Variants in LSM4 observed in about 807,000 individuals in gnomAD.
LSM4 encodes U6 snRNA-associated Sm-like protein LSm4.
Under a neutral mutation model 22.3 loss-of-function variants are expected in LSM4, and 15 were observed. That is an observed-to-expected ratio of 0.67 (90% CI 0.45 to 1.03). The LOEUF (loss-of-function observed/expected upper bound fraction) is 1.03, where lower values mean the gene tolerates loss of function less well. Among genes scored for constraint, LSM4 ranks in the 50% least tolerant of loss-of-function variants. The probability of loss-of-function intolerance (pLI) is 0.00; values close to 1 mark genes in which losing one functional copy is unlikely to be tolerated. For missense variants in LSM4, 127 were observed against 198.0 expected, an observed-to-expected ratio of 0.64 and a Z score of 2.15; for synonymous variants, 90 against 79.8, an observed-to-expected ratio of 1.13 and a Z score of -0.68.
chr19:18,312,724 G>C lies in LSM4; in HGVS notation c.46-22C>G, dbSNP rs373888433. 19 of 1,590,734 alleles carry C rather than the reference G, an allele frequency of 1.2e-5. No individual in the cohort carries two copies. In the African/African-American group the frequency reaches 2.4e-4, roughly 20 times the overall value. On this transcript the variant is annotated intron_variant, in intron 2 of 4. Coordinates refer to ENST00000593829, the MANE Select transcript of LSM4 (RefSeq NM_012321.5). The stretch of plus-strand genomic sequence containing the variant: ...CCAACTAGAAGAGAGACAGGCTAGA[G>C]GTTGGCTGTAGCCCTGGAGCCCTGC...
intron 2 of LSM4, 73 bp downstream of exon 2, chr19:18,315,951 C>A (rs1247425260): frequency 6.9e-7 from 1 of 1,454,498 alleles, no homozygotes; most frequent in African/African-American, 1.4e-5. Context: ...AGGAAGCCGT[C>A]TGCTCAGCCA....
chr19:18,313,475 C>A (rs957234163), intron 2 of LSM4, among the ~76,000 whole-genome samples: 1 of 152,162 alleles, frequency 6.6e-6, no homozygotes, highest in African/African-American at 2.4e-5. Flanking sequence ...AGATAAGTAG[C>A]AGATCATTCT....
At chr19:18,321,390 A>G (rs1461900741) in intron 1 of LSM4, among the ~76,000 whole-genome samples, 1 of 152,194 alleles carries the variant, frequency 6.6e-6, no homozygotes, top group Non-Finnish European at 1.5e-5. Flanking sequence ...GTAGCGGGAA[A>G]TTATGACAGT....
At chr19:18,308,641 A>G (rs999751621) in intron 4 of LSM4, among the ~76,000 whole-genome samples, 1 of 152,180 alleles carries the variant, frequency 6.6e-6, no homozygotes, top group African/African-American at 2.4e-5. Flanking sequence ...ACTGACCCCA[A>G]CAGGAACTGG....
chr19:18,317,270 C>T (rs1387773505), intron 1 of LSM4, among the ~76,000 whole-genome samples: 3 of 151,524 alleles, frequency 2.0e-5, no homozygotes, highest in Non-Finnish European at 4.4e-5. Flanking sequence ...GATCTGCTTG[C>T]CTGGTCCTCC....
chr19:18,322,274 C>T (rs1273276420), intron 1 of LSM4, among the ~76,000 whole-genome samples: 2 of 152,158 alleles, frequency 1.3e-5, no homozygotes, highest in African/African-American at 2.4e-5. Flanking sequence ...AGCTGATGGG[C>T]CAGGAAACTC....
Position 18,323,041 on chromosome 19 carries a change from T to C in LSM4, c.-21A>G. Reference sequence around the variant, plus strand: ...ACCATGGTGCCGGCGGGGACCGGGCTCGCCGGCCACTTCCGCCGCCGCCGC... The same window carrying C: ...ACCATGGTGCCGGCGGGGACCGGGCCCGCCGGCCACTTCCGCCGCCGCCGC... On this transcript the variant is annotated 5_prime_UTR_variant, in exon 1 of 5. Transcript: ENST00000593829. 1 of 1,539,594 alleles carries C rather than the reference T, an allele frequency of 6.5e-7. No homozygotes were observed. Among genetic ancestry groups the C allele is most frequent in the Admixed American group, 2.0e-5 (1 of 50,854 alleles).
At position 18,312,984 on chromosome 19, in the gene LSM4, G is replaced by A. The variant is rs1006338814; in HGVS notation, c.46-282C>T. ...GCCTGTAATCCCAGCACTTTGGGAG[G>A]CCGAGGCAGGCAGATCACGAGGTCA... On this transcript the variant is annotated intron_variant, in intron 2 of 4. Transcript: ENST00000593829. Among the ~76,000 whole-genome samples, 3 of 152,232 alleles carry A rather than the reference G, an allele frequency of 2.0e-5. No homozygotes were observed. In the East Asian group the frequency reaches 5.8e-4, roughly 29 times the overall value.
intron 1 of LSM4, among the ~76,000 whole-genome samples, chr19:18,322,544 C>G (rs1568301015): frequency 6.6e-6 from 1 of 152,218 alleles, no homozygotes; most frequent in Non-Finnish European, 1.5e-5. Context: ...ACCAAGAGGC[C>G]TAGGAGGCTG....
chr19:18,319,257 A>G (rs1206380088), intron 1 of LSM4, among the ~76,000 whole-genome samples: 1 of 148,426 alleles, frequency 6.7e-6, no homozygotes, highest in African/African-American at 2.5e-5. Flanking sequence ...AACAAAAAAC[A>G]AAAAAACAAA....
rs760697591 is a variant in LSM4 at position 18,309,797 on chromosome 19, C to G, written c.209G>C (p.Arg70Pro). The stretch of plus-strand genomic sequence containing the variant: ...CATGTCGATGATCTCGTCGGGGATG[C>G]GCAGGTACTTGATGGTGCTGCCGCG... ...YIRGSTIKYLRIPDEIIDMVK... is the reference protein window; with the variant it reads ...YIRGSTIKYLPIPDEIIDMVK... The change falls in exon 4 of 5, where the codon CGC (arginine) becomes CCC (proline). Residue 70 changes from arginine (R) to proline (P), a missense_variant. Coordinates refer to ENST00000593829, the MANE Select transcript of LSM4 (RefSeq NM_012321.5). 1.2e-5 allele frequency: 19 copies of G among 1,613,818 alleles called. No individual in the cohort carries two copies. The highest frequency in any genetic ancestry group is 1.6e-5 in the Non-Finnish European group (19 of 1,179,938).
chr19:18,321,882 C>A (rs1407004639), intron 1 of LSM4, among the ~76,000 whole-genome samples: 1 of 152,092 alleles, frequency 6.6e-6, no homozygotes, highest in East Asian at 1.9e-4. Context: ...AAGCTCCAAC[C>A]AATCAGCACT....
chr19:18,314,525 A>AG (rs1234209575), intron 2 of LSM4, among the ~76,000 whole-genome samples: 1 of 152,050 alleles, frequency 6.6e-6, no homozygotes, highest in African/African-American at 2.4e-5. Context: ...TCAAAAAAAA[A>AG]AAAGTGGTAA....
At position 18,322,731 on chromosome 19, in the gene LSM4, T is replaced by G. The variant is rs193130479; in HGVS notation, c.3+287A>C. Among the ~76,000 whole-genome samples the G allele has an allele frequency of 2.3e-3, 354 of 152,154 alleles. 2 individuals carry two copies. The highest frequency in any genetic ancestry group is 8.3e-3 in the African/African-American group (343 of 41,518). ...CTGCATTTGGCGGATCCCCACCTTT[T>G]TTTTTTTTACTTCAGTTTCCCCACC... On this transcript the variant is annotated intron_variant, in intron 1 of 4. Transcript: ENST00000593829.
chr19:18,310,824 C>G (rs1248410492), intron 3 of LSM4, among the ~76,000 whole-genome samples: 1 of 152,254 alleles, frequency 6.6e-6, no homozygotes, highest in Non-Finnish European at 1.5e-5. Context: ...CTGCCCCGCC[C>G]TGGCGGTCCT....
At chr19:18,322,233 G>A (rs182874716) in intron 1 of LSM4, among the ~76,000 whole-genome samples, 2 of 152,254 alleles carry the variant, frequency 1.3e-5, no homozygotes, top group Non-Finnish European at 2.9e-5. Context: ...CAAGGGCCTT[G>A]GTTTCTCTCA....
chr19:18,316,328 C>A, intron 1 of LSM4: 1 of 305,622 alleles, frequency 3.3e-6, no homozygotes, highest in Non-Finnish European at 6.1e-6. Flanking sequence ...GTGCTGAACA[C>A]TCTGGTCAAT....
intron 1 of LSM4, among the ~76,000 whole-genome samples, chr19:18,318,678 G>A (rs1026343500): frequency 1.8e-4 from 27 of 152,278 alleles, no homozygotes; most frequent in Admixed American, 1.2e-3. Flanking sequence ...GCAGAGGTCA[G>A]GCTAGCCCTT....
chr19:18,322,683 C>A (rs1416670059), intron 1 of LSM4, among the ~76,000 whole-genome samples: 1 of 152,104 alleles, frequency 6.6e-6, no homozygotes, highest in Non-Finnish European at 1.5e-5. Flanking sequence ...TAAGGGACCC[C>A]TTCCCTGCCC....
Sources: gnomAD v4.1 joint callset for allele counts (sites outside exome capture counted in the v4.1 genomes callset) on GRCh38, gnomAD v4.1.1 for gene constraint, MANE v1.5 for transcripts, NCBI Gene and HGNC (gene_info 2026-07-23, HGNC 2026-07-21) for gene names.